The following KAZN variants were observed in gnomAD, a reference collection of about 807,000 sequenced individuals.
KAZN encodes the protein kazrin.
In KAZN, 40 loss-of-function variants were observed where a neutral mutation model predicts 87.4. The ratio of observed to expected loss-of-function variants is 0.46; its 90% confidence interval spans 0.36 to 0.60. KAZN has a LOEUF of 0.60. Ranked by LOEUF, KAZN falls within the 20% of genes least tolerant of loss-of-function variation. The probability of loss-of-function intolerance (pLI) is 0.00; values close to 1 mark genes in which losing one functional copy is unlikely to be tolerated. For missense variants in KAZN, 898 were observed against 1,073.9 expected (o/e 0.84, Z 2.29); for synonymous variants, 466 against 458.3 (o/e 1.02, Z -0.22).
At chr1:14,416,004 A>T (rs1347244089) in intron 2 of KAZN, among the ~76,000 whole-genome samples, 1 of 152,174 alleles carries the variant, frequency 6.6e-6, no homozygotes, top group Non-Finnish European at 1.5e-5. Flanking sequence ...CATGCAGGAG[A>T]TGGAAAATGC....
intron 4 of KAZN, 75 bp downstream of exon 4, chr1:15,044,234 C>G: frequency 1.6e-6 from 2 of 1,227,136 alleles, no homozygotes; most frequent in African/African-American, 1.5e-5. Flanking sequence ...CGTCTGGCAC[C>G]GACTCACATC....
chr1:13,984,864 T>C (rs1433339244), intron 1 of KAZN, among the ~76,000 whole-genome samples: 1 of 152,258 alleles, frequency 6.6e-6, no homozygotes, highest in African/African-American at 2.4e-5. Flanking sequence ...ATAGTTTTTA[T>C]TCTATAAGCA....
chr1:13,922,296 C>G (rs970960748), intron 1 of KAZN, among the ~76,000 whole-genome samples: 2 of 152,086 alleles, frequency 1.3e-5, no homozygotes, highest in Admixed American at 6.5e-5. Flanking sequence ...AGAAAGATCA[C>G]GTATGTATTA....
At chr1:14,938,829 G>A (rs1352921287) in intron 1 of KAZN, among the ~76,000 whole-genome samples, 1 of 152,176 alleles carries the variant, frequency 6.6e-6, no homozygotes, top group South Asian at 2.1e-4. Context: ...TCCACCTCTT[G>A]TAAAATGAGA....
chr1:14,238,536 G>A (rs1017964334), intron 2 of KAZN, among the ~76,000 whole-genome samples: 5 of 152,236 alleles, frequency 3.3e-5, no homozygotes, highest in African/African-American at 9.6e-5. Context: ...ATACCAACAT[G>A]TTAACAAACA....
chr1:14,924,057 G>A (rs1198087818), intron 1 of KAZN: 3 of 923,276 alleles, frequency 3.2e-6, no homozygotes, highest in Non-Finnish European at 2.6e-6. Flanking sequence ...CGGGGCGGGG[G>A]CGGGGCGGGG....
At chr1:14,032,102 A>G (rs531912129) in intron 1 of KAZN, among the ~76,000 whole-genome samples, 1 of 152,170 alleles carries the variant, frequency 6.6e-6, no homozygotes, top group African/African-American at 2.4e-5. Context: ...CACCAACCTC[A>G]GAAAACAACT....
At chr1:14,992,699 A>G (rs2101961625) in intron 2 of KAZN, among the ~76,000 whole-genome samples, 1 of 152,180 alleles carries the variant, frequency 6.6e-6, no homozygotes, top group Admixed American at 6.5e-5. Flanking sequence ...GCTGGAGTGC[A>G]GCAGCGCAAT....
chr1:14,601,050 G>A (rs1676931651), intron 1 of KAZN, among the ~76,000 whole-genome samples: 1 of 152,162 alleles, frequency 6.6e-6, no homozygotes, highest in Non-Finnish European at 1.5e-5. Context: ...CTGTGGAAAT[G>A]AAAATGGCTT....
intron 2 of KAZN, among the ~76,000 whole-genome samples, chr1:14,527,555 A>AC (rs1671949532): frequency 6.6e-6 from 1 of 151,758 alleles, no homozygotes; most frequent in African/African-American, 2.4e-5. Context: ...TCTCCAAAAA[A>AC]AAAAAAAAAA....
chr1:14,198,346 T>A (rs1429675094), intron 2 of KAZN, among the ~76,000 whole-genome samples: 1 of 152,172 alleles, frequency 6.6e-6, no homozygotes, highest in African/African-American at 2.4e-5. Flanking sequence ...ACACCTGTAA[T>A]CCCAGCACTT....
At chr1:14,138,195 A>G (rs998934534) in intron 1 of KAZN, among the ~76,000 whole-genome samples, 1 of 151,994 alleles carries the variant, frequency 6.6e-6, no homozygotes, top group African/African-American at 2.4e-5. Context: ...AATGTATTCT[A>G]GCACTTAACA....
intron 1 of KAZN, among the ~76,000 whole-genome samples, chr1:14,619,684 C>T (rs774647951): frequency 6.6e-6 from 1 of 152,220 alleles, no homozygotes; most frequent in African/African-American, 2.4e-5. Context: ...ATTAAGCAGT[C>T]ACTTCCCATT....
chr1:14,779,303 C>T (rs1003033717), intron 1 of KAZN, among the ~76,000 whole-genome samples: 1 of 152,206 alleles, frequency 6.6e-6, no homozygotes, highest in African/African-American at 2.4e-5. Context: ...ATTTATGACT[C>T]CTACACATCC....
chr1:13,978,129 CA>C (rs35828417), intron 1 of KAZN, among the ~76,000 whole-genome samples: 43 of 82,126 alleles, frequency 5.2e-4, no homozygotes, highest in East Asian at 5.1e-3. Context: ...CTCCATCTCA[CA>C]AAAAAAAAAA....
chr1:14,933,571 A>G (rs1044108088), intron 1 of KAZN, among the ~76,000 whole-genome samples: 7 of 152,184 alleles, frequency 4.6e-5, no homozygotes, highest in Non-Finnish European at 1.0e-4. Flanking sequence ...ATGTAAATCC[A>G]GGTATCTTTT....
intron 1 of KAZN, among the ~76,000 whole-genome samples, chr1:13,991,243 T>A (rs1403582569): frequency 6.6e-6 from 1 of 152,018 alleles, no homozygotes; most frequent in Non-Finnish European, 1.5e-5. Context: ...ATGCCCTTAC[T>A]GAACAGCGAG....
In KAZN at chr1:14,266,888, T is replaced by TTTA. The variant is rs942952765; in HGVS notation, c.249+86310_249+86312dup. Among the ~76,000 whole-genome samples, 15 of 152,058 alleles carry TTTA rather than the reference T, an allele frequency of 9.9e-5. No homozygotes were observed. In the East Asian group the frequency reaches 1.4e-3, roughly 14 times the overall value. On this transcript the variant is annotated intron_variant, in intron 2 of 16. Coordinates refer to the KAZN transcript ENST00000636203. ...ACCAACTTTTTTTTCTTCTTTTTAT[T>TTTA]TTATTATTATTATTATACTTTAAAT...
chr1:14,797,072 G>T (rs980610157), intron 1 of KAZN, among the ~76,000 whole-genome samples: 3 of 152,120 alleles, frequency 2.0e-5, no homozygotes, highest in Admixed American at 1.3e-4. Context: ...TTTGGTTTTT[G>T]TTTTTCAGAT....
Sources: gnomAD v4.1 joint callset for allele counts (sites outside exome capture counted in the v4.1 genomes callset) on GRCh38, gnomAD v4.1.1 for gene constraint, MANE v1.5 for transcripts, NCBI Gene and HGNC (gene_info 2026-07-23, HGNC 2026-07-21) for gene names.